TCF4: variants seen among roughly 807,000 people sequenced by gnomAD.
TCF4 encodes SL3-3 enhancer factor 2.
In TCF4, 3 loss-of-function variants were observed where a neutral mutation model predicts 82.1. That is an observed-to-expected ratio of 0.04 (90% CI 0.02 to 0.09). TCF4 has a LOEUF of 0.09. Among genes scored for constraint, TCF4 ranks in the 10% least tolerant of loss-of-function variants. The pLI is 1.00. For synonymous variants in TCF4, 276 were observed against 309.6 expected (o/e 0.89, Z 1.14); for missense variants, 518 against 852.7 (o/e 0.61, Z 4.89).
Position 55,401,782 on chromosome 18 carries a change from T to C in TCF4, c.369+1672A>G, listed in dbSNP as rs145207252. 379 of 985,826 alleles carry C rather than the reference T, an allele frequency of 3.8e-4. 1 individual carries two copies. In the African/African-American group the frequency reaches 6.1e-3, roughly 16 times the overall value. 61.1% of individuals were successfully genotyped at this position (985,826 alleles called of 1,614,324 possible). ...TGTGAGGAATCACGCCAATTCCTAT[T>C]AGTAAGAAAGGATACAGGGGTGAGG... is the stretch of plus-strand genomic sequence containing the variant. On this transcript the variant is annotated intron_variant, in intron 6 of 19. Transcript: ENST00000354452.
At chr18:55,467,912 A>G (rs188618174) in intron 3 of TCF4, among the ~76,000 whole-genome samples, 2 of 152,284 alleles carry the variant, frequency 1.3e-5, no homozygotes, top group Admixed American at 1.3e-4. Flanking sequence ...GGTTTTATAT[A>G]TCTGAACTGA....
chr18:55,410,987 T>C (rs1328203467), intron 5 of TCF4, among the ~76,000 whole-genome samples: 4 of 152,184 alleles, frequency 2.6e-5, no homozygotes, highest in Non-Finnish European at 4.4e-5. Context: ...TTAGGAGAAG[T>C]ACACACATTA....
At chr18:55,575,648 T>C (rs1056865329) in intron 3 of TCF4, among the ~76,000 whole-genome samples, 9 of 152,162 alleles carry the variant, frequency 5.9e-5, no homozygotes, top group African/African-American at 2.2e-4. Flanking sequence ...TCAACCATCA[T>C]TTGAATTTTT....
At chr18:55,477,100 G>A (rs1249345857) in intron 3 of TCF4, among the ~76,000 whole-genome samples, 1 of 152,154 alleles carries the variant, frequency 6.6e-6, no homozygotes, top group Admixed American at 6.5e-5. Context: ...AGAGGAGTCT[G>A]ACTGGTCATT....
At chr18:55,368,418 T>TAA (rs2087872251) in intron 6 of TCF4, among the ~76,000 whole-genome samples, 1 of 151,972 alleles carries the variant, frequency 6.6e-6, no homozygotes, top group African/African-American at 2.4e-5. Context: ...CAAAAAGTCA[T>TAA]GAGAGTTATA....
chr18:55,470,814 T>G (rs1219354128), intron 3 of TCF4, among the ~76,000 whole-genome samples: 1 of 152,194 alleles, frequency 6.6e-6, no homozygotes, highest in Non-Finnish European at 1.5e-5. Flanking sequence ...TAATAAAAAT[T>G]TCAACACATT....
intron 5 of TCF4, among the ~76,000 whole-genome samples, chr18:55,419,965 T>C (rs2094670877): frequency 6.6e-6 from 1 of 152,184 alleles, no homozygotes; most frequent in African/African-American, 2.4e-5. Flanking sequence ...GCTGTAATTC[T>C]CATTGACTGA....
intron 3 of TCF4, among the ~76,000 whole-genome samples, chr18:55,470,179 G>A (rs1345035662): frequency 6.6e-6 from 1 of 152,138 alleles, no homozygotes; most frequent in African/African-American, 2.4e-5. Context: ...ACTAACATTT[G>A]TTAAACACTT....
intron 2 of TCF4, among the ~76,000 whole-genome samples, chr18:55,598,545 A>G (rs2147940641): frequency 6.6e-6 from 1 of 152,360 alleles, no homozygotes; most frequent in South Asian, 2.1e-4. Flanking sequence ...TGAGAAGAAC[A>G]TTCTGGAGGC....
At chr18:55,408,724 G>A (rs1296020560) in intron 5 of TCF4, among the ~76,000 whole-genome samples, 1 of 152,052 alleles carries the variant, frequency 6.6e-6, no homozygotes, top group Non-Finnish European at 1.5e-5. Flanking sequence ...CAGCCACACA[G>A]GTACAAGTGA....
At chr18:55,589,220 TA>T (rs2097678411), upstream of TCF4, 1 of 1,021,326 alleles carries the variant, frequency 9.8e-7, no homozygotes, top group Non-Finnish European at 1.2e-6. Context: ...TTTGTTTTAA[TA>T]AAACATCGGG....
intron 8 of TCF4, among the ~76,000 whole-genome samples, chr18:55,282,830 T>C (rs1170832752): frequency 1.3e-5 from 2 of 152,186 alleles, no homozygotes; most frequent in East Asian, 3.9e-4. Flanking sequence ...CAAATATCTA[T>C]CCTTGAATTT....
chr18:55,597,797 A>T (rs2097692652), intron 2 of TCF4, among the ~76,000 whole-genome samples: 1 of 152,282 alleles, frequency 6.6e-6, no homozygotes, highest in East Asian at 1.9e-4. Context: ...TCTAATCTGG[A>T]TTTTAAAATC....
chr18:55,482,474 AC>A (rs2096453318), intron 3 of TCF4, among the ~76,000 whole-genome samples: 1 of 152,214 alleles, frequency 6.6e-6, no homozygotes. Context: ...CAGATAGCAC[AC>A]ACTGGGGAAG....
Position 55,461,077 on chromosome 18 carries a change from G to A in TCF4, c.246C>T (p.Ser82=), listed in dbSNP as rs1329250167. The change falls in exon 5 of 20, where the codon AGC becomes AGT. Residue 82 remains serine (S), a synonymous_variant. Transcript: ENST00000354452. Reference sequence around the variant, plus strand: ...GATTGTCATGTGACCCAAGGTCCCTGCTGGTCATGTGGTCATAGGGAGTCC... The same window carrying A: ...GATTGTCATGTGACCCAAGGTCCCTACTGGTCATGTGGTCATAGGGAGTCC... ...GDGTPYDHMT[S]RDLGSHDNLS... 1 of 1,613,256 alleles carries A rather than the reference G, an allele frequency of 6.2e-7. No individual in the cohort carries two copies. The highest frequency in any genetic ancestry group is 1.7e-5 in the Admixed American group (1 of 59,914).
At position 55,387,201 on chromosome 18, in the gene TCF4, T is replaced by C. The variant is rs2092682709; in HGVS notation, c.369+16253A>G. Among the ~76,000 whole-genome samples, 4 of 152,236 alleles carry C rather than the reference T, an allele frequency of 2.6e-5. No homozygotes were observed. The South Asian group carries it at 8.3e-4, about 32-fold the overall frequency. ...TCCACATTTTCTCCATGGAACATGA[T>C]ATAGGTGTGGGCTCATGCTTCTGGC... is the stretch of plus-strand genomic sequence containing the variant. On this transcript the variant is annotated intron_variant, in intron 6 of 19. Coordinates refer to ENST00000354452, the MANE Select transcript of TCF4 (RefSeq NM_001083962.2).
At chr18:55,312,350 T>G (rs1030234953) in intron 8 of TCF4, among the ~76,000 whole-genome samples, 8 of 152,158 alleles carry the variant, frequency 5.3e-5, no homozygotes, top group Non-Finnish European at 1.0e-4. Context: ...AAAAATGTAT[T>G]AAAGATTCCA....
intron 2 of TCF4, among the ~76,000 whole-genome samples, chr18:55,606,143 ATTCAATAACGGTAAC>A (rs1160835573): frequency 6.6e-6 from 1 of 152,204 alleles, no homozygotes; most frequent in Non-Finnish European, 1.5e-5. Flanking sequence ...ACAGTATGAG[ATTCAATAACGGTAAC>A]TACCCTCAAG....
chr18:55,434,425 T>TTTTA (rs1477976788), intron 5 of TCF4, among the ~76,000 whole-genome samples: 1 of 146,978 alleles, frequency 6.8e-6, no homozygotes, highest in East Asian at 2.0e-4. Context: ...CATTCTTTTT[T>TTTTA]TTTTTTTTTT....
Sources: gnomAD v4.1 joint callset for allele counts (sites outside exome capture counted in the v4.1 genomes callset) on GRCh38, gnomAD v4.1.1 for gene constraint, MANE v1.5 for transcripts, NCBI Gene and HGNC (gene_info 2026-07-23, HGNC 2026-07-21) for gene names.